Variants in ACVR1 observed in about 807,000 individuals in gnomAD.
The protein encoded by ACVR1 is activin A receptor type 1.
In ACVR1, 38 loss-of-function variants were observed where a neutral mutation model predicts 57.1. The ratio of observed to expected loss-of-function variants is 0.67; its 90% CI spans 0.51 to 0.87. The LOEUF (loss-of-function observed/expected upper bound fraction) is 0.87, where lower values mean the gene tolerates loss of function less well. Ranked by LOEUF, ACVR1 falls within the 40% of genes least tolerant of loss-of-function variation. The probability of loss-of-function intolerance (pLI) is 0.00; values close to 1 mark genes in which losing one functional copy is unlikely to be tolerated. For synonymous variants in ACVR1, 212 were observed against 228.1 expected (o/e 0.93, Z 0.63); for missense variants, 463 against 638.2 (o/e 0.73, Z 2.96).
intron 9 of ACVR1, among the ~76,000 whole-genome samples, chr2:157,739,826 A>C (rs1280635807): frequency 2.0e-5 from 3 of 152,248 alleles, no homozygotes; most frequent in Non-Finnish European, 4.4e-5. Context: ...TATCTTTTTA[A>C]AACTTCACAA....
intron 3 of ACVR1, among the ~76,000 whole-genome samples, chr2:157,794,724 T>G (rs1395518160): frequency 6.6e-6 from 1 of 152,146 alleles, no homozygotes; most frequent in Admixed American, 6.6e-5. Context: ...CAATATCTGG[T>G]GCATTTTAAG....
chr2:157,873,660 T>C (rs1385086014), intron 1 of ACVR1, among the ~76,000 whole-genome samples: 1 of 152,180 alleles, frequency 6.6e-6, no homozygotes. Context: ...CTCAGAAGAC[T>C]GGACTACTCA....
At chr2:157,813,820 T>C (rs927729102) in intron 2 of ACVR1, among the ~76,000 whole-genome samples, 1 of 152,176 alleles carries the variant, frequency 6.6e-6, no homozygotes, top group Non-Finnish European at 1.5e-5. Context: ...CTAACCCTAA[T>C]TAATACAGCA....
chr2:157,804,896 G>A (rs898312750), intron 2 of ACVR1, among the ~76,000 whole-genome samples: 1 of 152,176 alleles, frequency 6.6e-6, no homozygotes, highest in East Asian at 1.9e-4. Context: ...TAGTTAAGAA[G>A]CTAGCGCTTA....
intron 1 of ACVR1, among the ~76,000 whole-genome samples, chr2:157,833,944 C>T (rs1341927916): frequency 6.6e-6 from 1 of 152,196 alleles, no homozygotes; most frequent in East Asian, 1.9e-4. Flanking sequence ...TAAGACAACA[C>T]ATACTAGCAT....
rs77640967 is a variant in ACVR1 at position 157,780,624 on chromosome 2, GAA to G, written c.68-26_68-25del. On this transcript the variant is annotated intron_variant, in intron 3 of 10. Coordinates refer to ENST00000434821, the MANE Select transcript of ACVR1 (RefSeq NM_001111067.4). ...ATCTGCAAAGGAGAGAAAGGAAGGG[GAA>G]AAAAAAAAAAAAGAGGAATTACCGT... is the stretch of plus-strand genomic sequence containing the variant. The G allele has an allele frequency of 7.4e-4, 904 of 1,213,704 alleles. 2 individuals carry two copies. The highest frequency in any genetic ancestry group is 2.2e-3 in the Admixed American group (100 of 46,310). 75.2% of individuals were successfully genotyped at this position (1,213,704 alleles called of 1,614,324 possible). A position where few individuals can be genotyped will look rare whatever the true frequency, so the allele number is the denominator to read the frequency against.
At chr2:157,782,666 C>G (rs958475325) in intron 3 of ACVR1, among the ~76,000 whole-genome samples, 3 of 152,120 alleles carry the variant, frequency 2.0e-5, no homozygotes, top group Non-Finnish European at 2.9e-5. Flanking sequence ...AACTATGCTG[C>G]CCAACAGGTG....
intron 9 of ACVR1, 25 bp from the exon 10 acceptor site, chr2:157,738,595 T>C: frequency 6.2e-7 from 1 of 1,613,922 alleles, no homozygotes; most frequent in Non-Finnish European, 8.5e-7. Flanking sequence ...AAGAATTGTG[T>C]TCGGTTAGCA....
intron 1 of ACVR1, among the ~76,000 whole-genome samples, chr2:157,860,944 T>C (rs543760414): frequency 1.3e-3 from 194 of 152,312 alleles, no homozygotes; most frequent in African/African-American, 4.4e-3. Context: ...TGTGTTTCTA[T>C]TGATGCCATC....
intron 4 of ACVR1, 87 bp downstream of exon 4, chr2:157,780,250 C>G: frequency 2.5e-6 from 4 of 1,580,916 alleles, no homozygotes; most frequent in South Asian, 1.1e-5. Flanking sequence ...TGGAATGCCT[C>G]ATAGCTACTT....
Position 157,778,281 on chromosome 2 carries a change from T to C in ACVR1, c.393A>G (p.Val131=), listed in dbSNP as rs1391948669. 6.2e-7 allele frequency: 1 copy of C among 1,614,012 alleles called. No individual in the cohort carries two copies. Among genetic ancestry groups the C allele is most frequent in the East Asian group, 2.2e-5 (1 of 44,874 alleles). Residue 131 remains valine (V), a synonymous_variant, in exon 5 of 11, where the codon GTA becomes GTG. Transcript: ENST00000434821. The stretch of plus-strand genomic sequence containing the variant: ...AGGCTAAAAGACATACTGCGAACAC[T>C]ACAGAGAGAATAATGAGGCCAACCT... ...HLEVGLIILS[V]VFAVCLLACL...
At chr2:157,752,032 A>AAT (rs1247782221) in intron 9 of ACVR1, among the ~76,000 whole-genome samples, 2 of 152,102 alleles carry the variant, frequency 1.3e-5, no homozygotes, top group African/African-American at 2.4e-5. Context: ...ACTACAACTA[A>AAT]AGACCCTCAC....
At chr2:157,873,141 A>C (rs1278322004) in intron 1 of ACVR1, among the ~76,000 whole-genome samples, 1 of 152,176 alleles carries the variant, frequency 6.6e-6, no homozygotes, top group East Asian at 1.9e-4. Context: ...AGTGGGACTC[A>C]GCCATGGTAA....
chr2:157,770,676 AT>A (rs918817194), intron 6 of ACVR1, among the ~76,000 whole-genome samples, 162 bp from the exon 7 acceptor site: 15 of 151,604 alleles, frequency 9.9e-5, no homozygotes, highest in African/African-American at 3.4e-4. Flanking sequence ...TTTATTTTTT[AT>A]TTTTTTTGGC....
intron 2 of ACVR1, among the ~76,000 whole-genome samples, chr2:157,811,059 G>T (rs536244843): frequency 2.6e-5 from 4 of 152,294 alleles, no homozygotes; most frequent in African/African-American, 9.6e-5. Context: ...TGACAAGGAG[G>T]TCTCACTCAC....
At chr2:157,825,342 G>A (rs1688306950) in intron 1 of ACVR1, among the ~76,000 whole-genome samples, 1 of 151,934 alleles carries the variant, frequency 6.6e-6, no homozygotes, top group African/African-American at 2.4e-5. Context: ...ACAGGTCTGT[G>A]GTGGTTCCAT....
In ACVR1 at chr2:157,820,443, G is replaced by C. The variant is rs148168252; in HGVS notation, c.-182-1884C>G. ...TTTAAGAGGAGGCCAGTGTTCAGCT[G>C]TCCTGCCTAGGGTCAACCATGTCTT... On this transcript the variant is annotated intron_variant, in intron 1 of 10. Transcript: ENST00000434821. 9.8e-5 allele frequency among the ~76,000 whole-genome samples: 15 copies of C among 152,314 alleles called. No individual in the cohort carries two copies. The East Asian group carries it at 2.9e-3, about 29-fold the overall frequency.
chr2:157,750,383 G>A (rs905699321), intron 9 of ACVR1, among the ~76,000 whole-genome samples: 3 of 152,170 alleles, frequency 2.0e-5, no homozygotes, highest in East Asian at 1.9e-4. Flanking sequence ...CTGGCTTGCC[G>A]CCACAACCAC....
intron 7 of ACVR1, among the ~76,000 whole-genome samples, chr2:157,767,536 A>G (rs1400765167): frequency 6.6e-6 from 1 of 152,182 alleles, no homozygotes; most frequent in Non-Finnish European, 1.5e-5. Flanking sequence ...AAGAGGTGAG[A>G]AAAAAAATTT....
Sources: gnomAD v4.1 joint callset for allele counts (sites outside exome capture counted in the v4.1 genomes callset) on GRCh38, gnomAD v4.1.1 for gene constraint, MANE v1.5 for transcripts, NCBI Gene and HGNC (gene_info 2026-07-23, HGNC 2026-07-21) for gene names.